The following CNKSR2 variants were observed in gnomAD, a reference collection of about 807,000 sequenced individuals.
CNKSR2 encodes the protein CNK homolog protein 2.
Under a neutral mutation model 84.4 loss-of-function variants are expected in CNKSR2, and 14 were observed. The observed-to-expected ratio is 0.17, with a 90% confidence interval of 0.11 to 0.26. The LOEUF (loss-of-function observed/expected upper bound fraction) is 0.26. Ranked by LOEUF, CNKSR2 falls within the 10% of genes least tolerant of loss-of-function variation. The pLI is 1.00. For synonymous variants in CNKSR2, 275 were observed against 277.9 expected (o/e 0.99, Z 0.10); for missense variants, 485 against 771.2 (o/e 0.63, Z 4.40).
At chrX:21,578,298 ATGGTTTCT>A (rs2092331851) in intron 13 of CNKSR2, among the ~76,000 whole-genome samples, 1 of 111,553 alleles carries the variant, frequency 9.0e-6, no homozygotes, top group Admixed American at 9.6e-5. Context: ...TTGTCTTCCC[ATGGTTTCT>A]TTTATTTTCA....
intron 4 of CNKSR2, 64 bp from the exon 5 acceptor site, chrX:21,470,702 A>G: frequency 1.7e-6 from 1 of 577,924 alleles, no homozygotes; most frequent in South Asian, 3.4e-5. Flanking sequence ...ATAATTTCTA[A>G]GAAAATATTT....
intron 1 of CNKSR2, among the ~76,000 whole-genome samples, chrX:21,409,741 G>C (rs1380112380): frequency 9.0e-6 from 1 of 110,640 alleles, no homozygotes; most frequent in Non-Finnish European, 1.9e-5. Flanking sequence ...CGTTTAGCCT[G>C]GTGAATTTCT....
intron 5 of CNKSR2, among the ~76,000 whole-genome samples, chrX:21,475,663 TA>T (rs747850148): frequency 9.0e-6 from 1 of 111,177 alleles, no homozygotes; most frequent in South Asian, 3.8e-4. Flanking sequence ...TGTCTTAGCC[TA>T]AACCCTACCC....
intron 13 of CNKSR2, among the ~76,000 whole-genome samples, chrX:21,577,864 G>T (rs909398610): frequency 9.0e-6 from 1 of 110,933 alleles, no homozygotes; most frequent in Non-Finnish European, 1.9e-5. Context: ...AAAACTATGG[G>T]TATAATGATT....
intron 5 of CNKSR2, among the ~76,000 whole-genome samples, chrX:21,485,849 C>G (rs1346177008): frequency 8.9e-6 from 1 of 111,985 alleles, no homozygotes; most frequent in African/African-American, 3.2e-5. Flanking sequence ...TAAAATACCT[C>G]GGGGGCTGGG....
intron 4 of CNKSR2, among the ~76,000 whole-genome samples, chrX:21,442,080 T>C (rs1030413330): frequency 2.7e-5 from 3 of 111,059 alleles, no homozygotes. Flanking sequence ...AGAAAGTTAA[T>C]GTCAGTTTCT....
intron 20 of CNKSR2, chrX:21,641,445 G>A (rs1280212910): frequency 9.4e-7 from 1 of 1,062,711 alleles, no homozygotes; most frequent in Non-Finnish European, 1.3e-6. Context: ...TTGCATGATG[G>A]TATTTCTAAT....
At chrX:21,398,709 A>G (rs902989291) in intron 1 of CNKSR2, among the ~76,000 whole-genome samples, 1 of 111,921 alleles carries the variant, frequency 8.9e-6, no homozygotes, top group African/African-American at 3.2e-5. Context: ...ACTGGCGCAT[A>G]GTGTAACTTA....
chrX:21,504,584 A>G, intron 8 of CNKSR2: 1 of 250,062 alleles, frequency 4.0e-6, no homozygotes, highest in Non-Finnish European at 7.1e-6. Context: ...ATTATTTTAA[A>G]TATTTCCCTA....
chrX:21,531,073 A>T (rs949598003), intron 10 of CNKSR2, among the ~76,000 whole-genome samples: 1 of 111,108 alleles, frequency 9.0e-6, no homozygotes, highest in Non-Finnish European at 1.9e-5. Context: ...AGTTCTAGGA[A>T]TATGTCTTTT....
At chrX:21,431,260 G>T (rs1484215861) in intron 2 of CNKSR2, among the ~76,000 whole-genome samples, 4 of 111,383 alleles carry the variant, frequency 3.6e-5, no homozygotes, top group Non-Finnish European at 5.7e-5. Context: ...TCATTGTATG[G>T]CTTACTTTCC....
At chrX:21,396,429 A>G (rs991816110) in intron 1 of CNKSR2, among the ~76,000 whole-genome samples, 3 of 111,229 alleles carry the variant, frequency 2.7e-5, no homozygotes, top group African/African-American at 9.8e-5. Flanking sequence ...GAATGCATCA[A>G]ACAGATTTTT....
At chrX:21,550,667 C>T (rs1221734869) in intron 11 of CNKSR2, among the ~76,000 whole-genome samples, 3 of 112,213 alleles carry the variant, frequency 2.7e-5, no homozygotes, top group Non-Finnish European at 5.6e-5. Context: ...GGAACCAACC[C>T]AAATGCCCAT....
chrX:21,374,814 G>A lies in CNKSR2; in HGVS notation c.-84G>A, dbSNP rs980766798. On this transcript the variant is annotated 5_prime_UTR_variant, in exon 1 of 22. Coordinates refer to ENST00000379510, the MANE Select transcript of CNKSR2 (RefSeq NM_014927.5). The stretch of plus-strand genomic sequence containing the variant: ...CGCCCAGGGAGGCTGCGGCCAGCAA[G>A]GGACCCCACCTGAGAGCAGCTCGGG... 2 of 870,356 alleles carry A rather than the reference G, an allele frequency of 2.3e-6. No individual in the cohort carries two copies. Among genetic ancestry groups the A allele is most frequent in the Non-Finnish European group, 3.4e-6 (2 of 586,441 alleles). The allele number at this position is 870,356 out of a possible 1,213,427, so 71.7% of individuals were successfully genotyped here.
intron 8 of CNKSR2, among the ~76,000 whole-genome samples, chrX:21,515,276 C>T (rs1291580611): frequency 2.7e-5 from 3 of 111,157 alleles, no homozygotes; most frequent in Non-Finnish European, 5.7e-5. Context: ...TCTTCATAGC[C>T]TAGGGGTCTG....
At chrX:21,598,161 C>G (rs1023445861) in intron 17 of CNKSR2, among the ~76,000 whole-genome samples, 8 of 110,814 alleles carry the variant, frequency 7.2e-5, no homozygotes, top group African/African-American at 2.6e-4. Flanking sequence ...CTTTTAGGCA[C>G]CCCACTACTG....
At chrX:21,455,645 G>T (rs2090986490) in intron 4 of CNKSR2, among the ~76,000 whole-genome samples, 1 of 112,090 alleles carries the variant, frequency 8.9e-6, no homozygotes, top group South Asian at 3.7e-4. Flanking sequence ...CAGAGAGATT[G>T]ATGTCAGTGG....
At chrX:21,393,130 C>A (rs1178304469) in intron 1 of CNKSR2, among the ~76,000 whole-genome samples, 1 of 112,184 alleles carries the variant, frequency 8.9e-6, no homozygotes, top group African/African-American at 3.2e-5. Context: ...ATTAATACCT[C>A]TCTGTAAAAA....
chrX:21,597,803 T>G (rs2092458301), intron 17 of CNKSR2, among the ~76,000 whole-genome samples: 2 of 109,549 alleles, frequency 1.8e-5, no homozygotes, highest in Non-Finnish European at 3.8e-5. Flanking sequence ...TTTATAAAAA[T>G]TATTATAATT....
Sources: gnomAD v4.1 joint callset for allele counts (sites outside exome capture counted in the v4.1 genomes callset) on GRCh38, gnomAD v4.1.1 for gene constraint, MANE v1.5 for transcripts, NCBI Gene and HGNC (gene_info 2026-07-23, HGNC 2026-07-21) for gene names.